QSOX1: variants seen among roughly 807,000 people sequenced by gnomAD.
QSOX1 encodes the protein quiescin sulfhydryl oxidase 1.
A neutral mutation model predicts 76.1 loss-of-function variants in QSOX1; 40 were observed. That is an observed-to-expected ratio of 0.53 (90% CI 0.41 to 0.68). The LOEUF (loss-of-function observed/expected upper bound fraction) is 0.68. QSOX1 is among the 30% of genes least tolerant of loss of function. The pLI is 0.00. For synonymous variants in QSOX1, 392 were observed against 413.1 expected (o/e 0.95, Z 0.62); for missense variants, 931 against 974.3 (o/e 0.96, Z 0.59).
rs1182808356 is a variant in QSOX1 at position 180,197,203 on chromosome 1, G to C, written c.*166G>C. 6.4e-7 allele frequency: 1 copy of C among 1,553,750 alleles called. No individual in the cohort carries two copies. The highest frequency in any genetic ancestry group is 1.4e-5 in the African/African-American group (1 of 72,792). On this transcript the variant is annotated 3_prime_UTR_variant, in exon 12 of 12. Transcript: ENST00000367602. ...GAAGCTTCTTGGGGTTGCTAGGACA[G>C]AGAGCTCCTTTGACACAAAAGACAG...
rs1302814651 is a variant in QSOX1 at position 180,198,295 on chromosome 1, G to C, written c.*1258G>C. The C allele has an allele frequency of 1.8e-5, 8 of 456,600 alleles. No homozygotes were observed. The highest frequency in any genetic ancestry group is 3.5e-5 in the Non-Finnish European group (8 of 226,986). 28.3% of individuals were successfully genotyped at this position (456,600 alleles called of 1,614,324 possible). ...AGCTCCTGCCTCAGTGCCCTGGGCT[G>C]GTGAGGGAGAAGCCTGTCTGCACCT... On this transcript the variant is annotated 3_prime_UTR_variant, in exon 12 of 12. Transcript: ENST00000367602.
chr1:180,191,530 G>A (rs1189801198), intron 10 of QSOX1, among the ~76,000 whole-genome samples: 2 of 152,268 alleles, frequency 1.3e-5, no homozygotes, highest in Non-Finnish European at 2.9e-5. Context: ...TCTCCACCAT[G>A]CCATGTGGCG....
Position 180,178,784 on chromosome 1 carries a change from T to C in QSOX1, c.516-10T>C. ...CTGTGCAGAGTGACTGCCAGAATTG[T>C]CTCTTGCAGGCTGGAGGAGATTGAT... On this transcript the variant is annotated splice_polypyrimidine_tract_variant and intron_variant, in intron 4 of 11. Transcript: ENST00000367602. 6.2e-7 allele frequency: 1 copy of C among 1,611,588 alleles called. No individual in the cohort carries two copies. The highest frequency in any genetic ancestry group is 1.1e-5 in the South Asian group (1 of 91,042).
rs1231028333 is a variant in QSOX1 at position 180,197,867 on chromosome 1, G to A, written c.*830G>A. 3.5e-6 allele frequency: 1 copy of A among 286,692 alleles called. No individual in the cohort carries two copies. Among genetic ancestry groups the A allele is most frequent in the Admixed American group, 4.7e-5 (1 of 21,094 alleles). 17.8% of individuals were successfully genotyped at this position (286,692 alleles called of 1,614,324 possible). On this transcript the variant is annotated 3_prime_UTR_variant, in exon 12 of 12. Transcript: ENST00000367602. ...CCAAGATGAATGCTCATCTTTGGAG[G>A]GTGCCAGGTAGAAGCTAGGGAGGGG...
At position 180,197,077 on chromosome 1, in the gene QSOX1, T is replaced by C. The variant is rs778577083; in HGVS notation, c.*40T>C. 1 of 1,569,242 alleles carries C rather than the reference T, an allele frequency of 6.4e-7. No homozygotes were observed. The stretch of plus-strand genomic sequence containing the variant: ...AGGCGGGAGAGGGAGCTGCCATCTC[T>C]AGGCACCTCAAGCCCCCTGACCCCA... On this transcript the variant is annotated 3_prime_UTR_variant, in exon 12 of 12. Transcript: ENST00000367602.
rs901377256 is a variant in QSOX1, at chr1:180,187,936, T to C, written c.1018-1616T>C. ...GCTTGGGTAGCTTCTTCCTGAATAG[T>C]AGTATCCTAGCAGCTATCATTTCTT... On this transcript the variant is annotated intron_variant, in intron 8 of 11. Coordinates refer to ENST00000367602, the MANE Select transcript of QSOX1 (RefSeq NM_002826.5). 2.0e-5 allele frequency among the ~76,000 whole-genome samples: 3 copies of C among 152,242 alleles called. No homozygotes were observed. The South Asian group carries it at 6.2e-4, about 31-fold the overall frequency.
intron 10 of QSOX1, 40 bp from the exon 11 acceptor site, chr1:180,194,173 G>A: frequency 6.4e-7 from 1 of 1,562,476 alleles, no homozygotes; most frequent in East Asian, 2.3e-5. Context: ...GGGGCTGGCA[G>A]CCTGAAGGGC....
rs1298658140 is a variant in QSOX1 at position 180,196,554 on chromosome 1, G to C, written c.1761G>C (p.Lys587Asn). 2 of 1,614,200 alleles carry C rather than the reference G, an allele frequency of 1.2e-6. No homozygotes were observed. Among genetic ancestry groups the C allele is most frequent in the South Asian group, 2.2e-5 (2 of 91,086 alleles). The change falls in exon 12 of 12, where the codon AAG becomes AAC. Residue 587 changes from lysine to asparagine, a missense_variant. Physicochemically the swap from Lys to Asn is moderately conservative, Grantham distance 94. Transcript: ENST00000367602. The surrounding 1 kb of genome is among the most constrained non-coding windows in gnomAD (Gnocchi z 4.1). ...TLDPGKPEMM[K>N]SPTNTTPHVP... Reference sequence around the variant, plus strand: ...ACCCTGGGAAGCCTGAGATGATGAAGTCCCCCACAAACACCACCCCACATG... The same window carrying C: ...ACCCTGGGAAGCCTGAGATGATGAACTCCCCCACAAACACCACCCCACATG...
intron 1 of QSOX1, among the ~76,000 whole-genome samples, chr1:180,159,256 C>G (rs1282887581): frequency 6.6e-6 from 1 of 152,200 alleles, no homozygotes; most frequent in Admixed American, 6.5e-5. Context: ...GGGTTTTCTC[C>G]CCAGTAGTAG....
intron 10 of QSOX1, among the ~76,000 whole-genome samples, chr1:180,192,608 G>T (rs1413937135): frequency 6.6e-6 from 1 of 152,132 alleles, no homozygotes; most frequent in Non-Finnish European, 1.5e-5. Flanking sequence ...GCAGGACTCG[G>T]GTGGACTCCA....
At chr1:180,194,947 G>C (rs1048111898) in intron 11 of QSOX1, among the ~76,000 whole-genome samples, 1 of 150,198 alleles carries the variant, frequency 6.7e-6, no homozygotes, top group Non-Finnish European at 1.5e-5. Flanking sequence ...TGGACAGGAG[G>C]CGGTTTGTGT....
rs1008800112 is a variant in QSOX1, at chr1:180,182,309, C to T, written c.742C>T (p.Arg248Ter). Residue 248 changes from arginine (R) to a stop codon, truncating the protein, a stop_gained, in exon 6 of 12, where the codon CGA (arginine) becomes TGA (stop). Transcript: ENST00000367602. LOFTEE classifies it high-confidence loss of function. The part of the protein sequence containing the change: ...YLLFRNGSVS[R>*]VPVLMESRSF... ...GCTGTTCCGGAATGGCTCTGTCTCC[C>T]GAGTCCCCGTGTGAGTATCCTGTCT... 6.8e-6 allele frequency: 11 copies of T among 1,614,090 alleles called. 1 individual carries two copies. The highest frequency in any genetic ancestry group is 4.5e-5 in the East Asian group (2 of 44,896).
In QSOX1 at chr1:180,196,477, C is replaced by A. The variant is rs199773489; in HGVS notation, c.1684C>A (p.Pro562Thr). The change falls in exon 12 of 12, where the codon CCA becomes ACA. Residue 562 changes from proline (P) to threonine (T), a missense_variant. Transcript: ENST00000367602. This position sits in a 1 kb window ranked among gnomAD's most constrained non-coding sequence, Gnocchi z 4.1. ...GGATGTGCAGAATGTGGCAGCCGCC[C>A]CAGAGCTGGCGATGGGAGCCCTGGA... ...RRDVQNVAAA[P>T]ELAMGALELE... is the part of the protein sequence containing the mutation. 2 of 1,614,000 alleles carry A rather than the reference C, an allele frequency of 1.2e-6. No homozygotes were observed. The highest frequency in any genetic ancestry group is 1.7e-6 in the Non-Finnish European group (2 of 1,179,856).
At position 180,182,232 on chromosome 1, in the gene QSOX1, A is replaced by G. The variant is rs1279711277; in HGVS notation, c.665A>G (p.Glu222Gly). The G allele has an allele frequency of 6.2e-7, 1 of 1,614,192 alleles. No individual in the cohort carries two copies. The highest frequency in any genetic ancestry group is 1.1e-5 in the South Asian group (1 of 91,092). The change falls in exon 6 of 12, where the codon GAG (glutamate) becomes GGG (glycine). Residue 222 changes from glutamate to glycine, a missense_variant. Coordinates refer to ENST00000367602, the MANE Select transcript of QSOX1 (RefSeq NM_002826.5). ...GCGGTGCGCAGGGTGCTGAACACAG[A>G]GGCCAATGTGGTGAGAAAGTTTGGT... ...GVAVRRVLNT[E>G]ANVVRKFGVT... is the part of the protein sequence containing the mutation.
chr1:180,175,401 T>A, intron 3 of QSOX1, 35 bp downstream of exon 3: 1 of 1,604,810 alleles, frequency 6.2e-7, no homozygotes, highest in South Asian at 1.1e-5. Context: ...TGTTAGCATC[T>A]TCCTCCCCCA....
In QSOX1 at chr1:180,196,471, G is replaced by A. The variant is rs749909091; in HGVS notation, c.1678G>A (p.Ala560Thr). Residue 560 changes from alanine to threonine, a missense_variant, in exon 12 of 12, where the codon GCC becomes ACC. Ala to Thr is a moderately conservative substitution (Grantham distance 58). Coordinates refer to ENST00000367602, the MANE Select transcript of QSOX1 (RefSeq NM_002826.5). This position sits in a 1 kb window ranked among gnomAD's most constrained non-coding sequence, Gnocchi z 4.1. ...CCGGAGGGATGTGCAGAATGTGGCA[G>A]CCGCCCCAGAGCTGGCGATGGGAGC... The part of the protein sequence containing the change: ...AARRDVQNVA[A>T]APELAMGALE... The A allele has an allele frequency of 1.9e-6, 3 of 1,613,866 alleles. No homozygotes were observed. Among genetic ancestry groups the A allele is most frequent in the African/African-American group, 2.7e-5 (2 of 74,930 alleles).
intron 1 of QSOX1, among the ~76,000 whole-genome samples, chr1:180,159,809 G>C (rs1323899822): frequency 2.0e-5 from 3 of 152,154 alleles, no homozygotes; most frequent in Non-Finnish European, 2.9e-5. Flanking sequence ...GGTCTCTTGG[G>C]CCTTGTGCAG....
At position 180,196,472 on chromosome 1, in the gene QSOX1, C is replaced by A. The variant is rs755737821; in HGVS notation, c.1679C>A (p.Ala560Asp). ...AARRDVQNVAAAPELAMGALE... is the reference protein window; with the variant it reads ...AARRDVQNVADAPELAMGALE... ...CGGAGGGATGTGCAGAATGTGGCAG[C>A]CGCCCCAGAGCTGGCGATGGGAGCC... The change falls in exon 12 of 12, where the codon GCC (alanine) becomes GAC (aspartate). Residue 560 changes from alanine (A) to aspartate (D), a missense_variant. By Grantham distance (126) the Ala-to-Asp change is moderately radical. Transcript: ENST00000367602. This position sits in a 1 kb window ranked among gnomAD's most constrained non-coding sequence, Gnocchi z 4.1. 15 of 1,613,728 alleles carry A rather than the reference C, an allele frequency of 9.3e-6. No homozygotes were observed. The Admixed American group carries it at 2.5e-4, about 27-fold the overall frequency.
intron 10 of QSOX1, among the ~76,000 whole-genome samples, chr1:180,193,436 G>A (rs1332978676): frequency 6.6e-6 from 1 of 151,798 alleles, no homozygotes; most frequent in Non-Finnish European, 1.5e-5. Context: ...CCAGGAGTGA[G>A]GAGAGTAGGG....
Sources: gnomAD v4.1 joint callset for allele counts (sites outside exome capture counted in the v4.1 genomes callset) on GRCh38, gnomAD v4.1.1 for gene constraint, Gnocchi (gnomAD v3.1) non-coding constraint, MANE v1.5 for transcripts, NCBI Gene and HGNC (gene_info 2026-07-23, HGNC 2026-07-21) for gene names.